MAGI2: variants seen among roughly 807,000 people sequenced by gnomAD.
The protein encoded by MAGI2 is membrane-associated guanylate kinase, WW and PDZ domain-containing protein 2.
Under a neutral mutation model 133.3 loss-of-function variants are expected in MAGI2, and 35 were observed. The ratio of observed to expected loss-of-function variants is 0.26; its 90% CI spans 0.20 to 0.35. MAGI2 has a LOEUF of 0.35. Among genes scored for constraint, MAGI2 ranks in the 10% least tolerant of loss-of-function variants. MAGI2 has a pLI of 1.00. For synonymous variants in MAGI2, 729 were observed against 710.6 expected (o/e 1.03, Z -0.41); for missense variants, 1,636 against 1,863.4 (o/e 0.88, Z 2.25).
At chr7:79,324,413 ATC>A (rs1839437650) in intron 1 of MAGI2, among the ~76,000 whole-genome samples, 2 of 134,442 alleles carry the variant, frequency 1.5e-5, no homozygotes, top group Non-Finnish European at 3.2e-5. Context: ...CACACAACGT[ATC>A]TATCTATAAC....
intron 3 of MAGI2, among the ~76,000 whole-genome samples, chr7:78,576,953 C>G (rs965550465): frequency 1.3e-5 from 2 of 151,996 alleles, no homozygotes; most frequent in African/African-American, 2.4e-5. Flanking sequence ...AACAAGCAAG[C>G]AAACAAAACA....
intron 12 of MAGI2, among the ~76,000 whole-genome samples, chr7:78,185,891 G>GA (rs1433538368): frequency 1.3e-5 from 2 of 151,876 alleles, no homozygotes; most frequent in Non-Finnish European, 2.9e-5. Flanking sequence ...ATCCAAAATA[G>GA]AAAAATCTGA....
At chr7:79,084,786 G>A (rs10277282) in intron 1 of MAGI2, among the ~76,000 whole-genome samples, 44 of 151,664 alleles carry the variant, frequency 2.9e-4, no homozygotes, top group African/African-American at 9.9e-4. Context: ...TTGTTTATCT[G>A]AAATATCTTA....
intron 1 of MAGI2, among the ~76,000 whole-genome samples, chr7:79,132,393 T>G (rs973236157): frequency 1.3e-5 from 2 of 152,142 alleles, no homozygotes; most frequent in Middle Eastern, 6.3e-3. Flanking sequence ...TGAGAACATA[T>G]AGTTTTTGGT....
At chr7:79,347,053 G>A (rs1054836663) in intron 1 of MAGI2, among the ~76,000 whole-genome samples, 1 of 151,738 alleles carries the variant, frequency 6.6e-6, no homozygotes, top group South Asian at 2.1e-4. Context: ...ATCAATTCTC[G>A]ACTGCAACAA....
In MAGI2 at chr7:79,317,747, C is replaced by T. The variant is rs996829463; in HGVS notation, c.301+135273G>A. 4.5e-4 allele frequency among the ~76,000 whole-genome samples: 68 copies of T among 152,098 alleles called. 1 individual carries two copies. Among genetic ancestry groups the T allele is most frequent in the Admixed American group, 4.1e-3 (62 of 15,252 alleles). On this transcript the variant is annotated intron_variant, in intron 1 of 21. Coordinates refer to ENST00000354212, the MANE Select transcript of MAGI2 (RefSeq NM_012301.4). ...CTGGACAGCACAGGTGTATATAGGCCTTAATAGACCCAATACTGCCTCATT... is the reference window on the plus strand; with the variant it reads ...CTGGACAGCACAGGTGTATATAGGCTTTAATAGACCCAATACTGCCTCATT...
chr7:78,113,336 T>C (rs1819542638), intron 20 of MAGI2, among the ~76,000 whole-genome samples: 2 of 152,092 alleles, frequency 1.3e-5, no homozygotes, highest in Non-Finnish European at 2.9e-5. Flanking sequence ...AAATACAAGT[T>C]GATTTGTATT....
intron 2 of MAGI2, among the ~76,000 whole-genome samples, chr7:78,915,363 A>G (rs1324877765): frequency 6.6e-6 from 1 of 152,138 alleles, no homozygotes; most frequent in Non-Finnish European, 1.5e-5. Flanking sequence ...CAGTTGGTAC[A>G]TTTACTGAAT....
chr7:78,118,587 A>G (rs1294135909), intron 20 of MAGI2, among the ~76,000 whole-genome samples: 1 of 152,238 alleles, frequency 6.6e-6, no homozygotes, highest in Non-Finnish European at 1.5e-5. Context: ...ATGGCAGATT[A>G]GCATATGAAA....
chr7:78,522,048 A>G (rs554830716), intron 3 of MAGI2, among the ~76,000 whole-genome samples: 111 of 152,314 alleles, frequency 7.3e-4, no homozygotes, highest in Middle Eastern at 3.4e-3. Flanking sequence ...GTAATCTCAC[A>G]CTATTCTGAA....
chr7:79,322,698 A>G (rs754503891), intron 1 of MAGI2, among the ~76,000 whole-genome samples: 117 of 151,906 alleles, frequency 7.7e-4, no homozygotes, highest in Non-Finnish European at 1.4e-3. Context: ...AGGCATGAGA[A>G]TCGCTTGAAC....
intron 16 of MAGI2, among the ~76,000 whole-genome samples, chr7:78,142,031 A>G (rs772398322): frequency 4.1e-4 from 62 of 152,202 alleles, no homozygotes; most frequent in Non-Finnish European, 6.9e-4. Flanking sequence ...GTAATTAGCT[A>G]TGACTCAACT....
At chr7:78,406,950 A>G (rs1797437398) in intron 6 of MAGI2, among the ~76,000 whole-genome samples, 2 of 152,044 alleles carry the variant, frequency 1.3e-5, no homozygotes, top group African/African-American at 4.8e-5. Flanking sequence ...GTGTTTCCTT[A>G]TTGTGCTGTA....
At chr7:79,179,323 C>T (rs756467305) in intron 1 of MAGI2, among the ~76,000 whole-genome samples, 12 of 151,850 alleles carry the variant, frequency 7.9e-5, no homozygotes, top group Non-Finnish European at 1.8e-4. Context: ...ATGACCACCA[C>T]AATTTCAAGA....
chr7:78,813,116 T>C (rs1169836391), intron 2 of MAGI2, among the ~76,000 whole-genome samples: 1 of 152,064 alleles, frequency 6.6e-6, no homozygotes, highest in Non-Finnish European at 1.5e-5. Flanking sequence ...CACGGGCAAA[T>C]TCTCTCAAAT....
intron 6 of MAGI2, among the ~76,000 whole-genome samples, chr7:78,439,148 T>C (rs890534755): frequency 5.6e-4 from 85 of 152,206 alleles, no homozygotes; most frequent in Non-Finnish European, 1.5e-5. Flanking sequence ...CCATTAGCAC[T>C]GAGTTAAAGA....
At chr7:79,206,161 C>A (rs1318670954) in intron 1 of MAGI2, among the ~76,000 whole-genome samples, 1 of 149,698 alleles carries the variant, frequency 6.7e-6, no homozygotes, top group Non-Finnish European at 1.5e-5. Context: ...AATGTTGCAT[C>A]ATAAGAAACT....
chr7:78,068,604 C>T (rs1219530172), intron 21 of MAGI2, among the ~76,000 whole-genome samples: 1 of 152,074 alleles, frequency 6.6e-6, no homozygotes, highest in East Asian at 1.9e-4. Flanking sequence ...TCTAAAAAAT[C>T]AAGTCTTAAA....
chr7:79,348,298 T>G (rs1841460576), intron 1 of MAGI2, among the ~76,000 whole-genome samples: 1 of 151,884 alleles, frequency 6.6e-6, no homozygotes, highest in South Asian at 2.1e-4. Context: ...ACAGTGGTAT[T>G]TTTGAGTGAA....
Sources: gnomAD v4.1 joint callset for allele counts (sites outside exome capture counted in the v4.1 genomes callset) on GRCh38, gnomAD v4.1.1 for gene constraint, MANE v1.5 for transcripts, NCBI Gene and HGNC (gene_info 2026-07-23, HGNC 2026-07-21) for gene names.